Variants in OOEP observed in about 807,000 individuals in gnomAD.
OOEP encodes the protein oocyte-expressed protein homolog.
In OOEP, 16 loss-of-function variants were observed where a neutral mutation model predicts 13.7. The ratio of observed to expected loss-of-function variants is 1.16; its 90% CI spans 0.79 to 1.77. The LOEUF (loss-of-function observed/expected upper bound fraction) is 1.77. Ranked by LOEUF, OOEP falls within the 40% of genes most tolerant of loss-of-function variation. The pLI, the probability that OOEP is intolerant of heterozygous loss-of-function variation, is 0.00. For missense variants in OOEP, 195 were observed against 193.1 expected (o/e 1.01, Z -0.06); for synonymous variants, 89 against 77.1 (o/e 1.15, Z -0.81).
chr6:73,390,798 C>T (rs949686634), intron 2 of OOEP, among the ~76,000 whole-genome samples: 3 of 149,742 alleles, frequency 2.0e-5, no homozygotes, highest in Non-Finnish European at 4.4e-5. Context: ...AGGGGGGTAT[C>T]GCCATGTTGG....
rs192404880 is a variant in OOEP, at chr6:73,369,568, G to A, written c.190+35C>T. ...CTGCCAAGCCTCTCTCAGACTGGAG[G>A]TGGACAGCCCACTAGCACACCTGGG... On this transcript the variant is annotated intron_variant, in intron 1 of 2. Coordinates refer to ENST00000370359, the MANE Select transcript of OOEP (RefSeq NM_001080507.3). 1.4e-4 allele frequency: 224 copies of A among 1,599,524 alleles called. No individual in the cohort carries two copies. In the African/African-American group the frequency reaches 2.7e-3, roughly 19 times the overall value.
chr6:73,394,744 G>A (rs1188116879), exon 1 of OOEP: 4 of 1,016,084 alleles, frequency 3.9e-6, no homozygotes, highest in Non-Finnish European at 4.2e-6. Flanking sequence ...TGAAATCAGT[G>A]CGAAGTGGGC....
intron 2 of OOEP, chr6:73,394,246 T>C: frequency 1.5e-6 from 1 of 669,798 alleles, no homozygotes; most frequent in Non-Finnish European, 2.7e-6. Context: ...CGTAAATGTA[T>C]CAAAATGCAG....
At chr6:73,375,790 CCTT>C (rs1197187965) in intron 2 of OOEP, among the ~76,000 whole-genome samples, 1 of 106,218 alleles carries the variant, frequency 9.4e-6, no homozygotes, top group Non-Finnish European at 1.8e-5. Context: ...TAATGATCTC[CCTT>C]TTTTTTTTTT....
In OOEP at chr6:73,369,812, G is replaced by A. The variant is rs775028942; in HGVS notation, c.-20C>T. On this transcript the variant is annotated 5_prime_UTR_variant, in exon 1 of 3. Coordinates refer to ENST00000370359, the MANE Select transcript of OOEP (RefSeq NM_001080507.3). ...GACCATACTGGGACCAGCAGCCGCGGAGCGCGCTCGAGGCGGCTTTCGCAA... is the reference window on the plus strand; with the variant it reads ...GACCATACTGGGACCAGCAGCCGCGAAGCGCGCTCGAGGCGGCTTTCGCAA... The A allele has an allele frequency of 1.6e-5, 25 of 1,603,220 alleles. No homozygotes were observed. The highest frequency in any genetic ancestry group is 1.9e-5 in the Non-Finnish European group (22 of 1,173,646).
intron 2 of OOEP, among the ~76,000 whole-genome samples, chr6:73,383,832 G>C (rs1488587147): frequency 6.6e-6 from 1 of 151,976 alleles, no homozygotes; most frequent in Non-Finnish European, 1.5e-5. Context: ...GGTGCAGTGG[G>C]TCACACCTGT....
rs540581106 is a variant in OOEP at position 73,369,813 on chromosome 6, A to G, written c.-21T>C. 1.2e-6 allele frequency: 2 copies of G among 1,603,406 alleles called. No homozygotes were observed. Among genetic ancestry groups the G allele is most frequent in the Admixed American group, 3.4e-5 (2 of 59,628 alleles). Reference sequence around the variant, plus strand: ...ACCATACTGGGACCAGCAGCCGCGGAGCGCGCTCGAGGCGGCTTTCGCAAG... The same window carrying G: ...ACCATACTGGGACCAGCAGCCGCGGGGCGCGCTCGAGGCGGCTTTCGCAAG... On this transcript the variant is annotated 5_prime_UTR_variant, in exon 1 of 3. Coordinates refer to ENST00000370359, the MANE Select transcript of OOEP (RefSeq NM_001080507.3).
chr6:73,369,703 C>A lies in OOEP; in HGVS notation c.90G>T (p.Pro30=). Reference sequence around the variant, plus strand: ...AGGGCCGGATGCGAATCTGTGGCGGCGGAAGTGGTAACCTACGCAGCTGCT... The same window carrying A: ...AGGGCCGGATGCGAATCTGTGGCGGAGGAAGTGGTAACCTACGCAGCTGCT... ...SLEQLRRLPL[P]PPQIRIRPWW... is the part of the protein sequence containing the mutation. The change falls in exon 1 of 3, where the codon CCG becomes CCT. Residue 30 remains proline (P), a synonymous_variant. Transcript: ENST00000370359. 2 of 1,614,010 alleles carry A rather than the reference C, an allele frequency of 1.2e-6. No individual in the cohort carries two copies. The highest frequency in any genetic ancestry group is 1.7e-6 in the Non-Finnish European group (2 of 1,179,872).
In OOEP at chr6:73,369,613, G is replaced by T. The variant is rs762305836; in HGVS notation, c.180C>A (p.Asp60Glu). The change falls in exon 1 of 3, where the codon GAC becomes GAA. Residue 60 changes from aspartate to glutamate, a missense_variant. Transcript: ENST00000370359. ...CCTGGGGTCGCTCACCAAAGAGCTCGTCTGCCAGCCATGCCTCTAGGTAGA... is the reference window on the plus strand; with the variant it reads ...CCTGGGGTCGCTCACCAAAGAGCTCTTCTGCCAGCCATGCCTCTAGGTAGA... ...LVFYLEAWLADELFGPDRAII... is the reference protein window; with the variant it reads ...LVFYLEAWLAEELFGPDRAII... The T allele has an allele frequency of 1.2e-6, 2 of 1,613,512 alleles. No individual in the cohort carries two copies. Among genetic ancestry groups the T allele is most frequent in the Non-Finnish European group, 1.7e-6 (2 of 1,179,522 alleles).
At chr6:73,385,591 C>T (rs1769261879) in intron 2 of OOEP, among the ~76,000 whole-genome samples, 1 of 150,672 alleles carries the variant, frequency 6.6e-6, no homozygotes, top group Non-Finnish European at 1.5e-5. Context: ...TAAATAAAAG[C>T]TCTCTTTTTT....
exon 1 of OOEP, chr6:73,394,862 A>G (rs1402577998): frequency 5.0e-6 from 8 of 1,603,014 alleles, no homozygotes; most frequent in East Asian, 2.2e-5. Context: ...CAGGTGGTGC[A>G]GAGCTGGACG....
At chr6:73,394,576 G>C in intron 1 of OOEP, 1 of 441,882 alleles carries the variant, frequency 2.3e-6, no homozygotes. Flanking sequence ...AGCAAATTGG[G>C]CGTTTGGAAA....
chr6:73,386,151 A>G (rs1366310062), intron 2 of OOEP, among the ~76,000 whole-genome samples: 2 of 147,904 alleles, frequency 1.4e-5, no homozygotes, highest in Non-Finnish European at 3.0e-5. Context: ...CTGGAGTGCA[A>G]TGGCGCGATG....
At chr6:73,389,807 G>A (rs1470618202) in intron 2 of OOEP, among the ~76,000 whole-genome samples, 3 of 152,060 alleles carry the variant, frequency 2.0e-5, no homozygotes, top group Non-Finnish European at 4.4e-5. Context: ...TAACAAACCT[G>A]CACGTTGTGC....
upstream of OOEP, chr6:73,373,141 C>A (rs376526442): frequency 2.5e-5 from 40 of 1,609,242 alleles, no homozygotes; most frequent in African/African-American, 4.3e-4. Flanking sequence ...TCCAATGTCT[C>A]CTTTTGGAGT....
chr6:73,388,653 T>G (rs1172558358), intron 2 of OOEP, among the ~76,000 whole-genome samples: 1 of 152,196 alleles, frequency 6.6e-6, no homozygotes, highest in Non-Finnish European at 1.5e-5. Flanking sequence ...CCACTTGGGT[T>G]CCCAAGTACT....
exon 1 of OOEP, chr6:73,395,029 G>T (rs1448743005): frequency 1.2e-6 from 2 of 1,614,274 alleles, no homozygotes; most frequent in Non-Finnish European, 1.7e-6. Context: ...AGGTCCTGAG[G>T]GATATAGTGT....
rs368582382 is a variant in OOEP at position 73,369,744 on chromosome 6, G to C, written c.49C>G (p.Pro17Ala). 6.2e-7 allele frequency: 1 copy of C among 1,614,020 alleles called. No homozygotes were observed. Among genetic ancestry groups the C allele is most frequent in the East Asian group, 2.2e-5 (1 of 44,878 alleles). The change falls in exon 1 of 3, where the codon CCG becomes GCG. Residue 17 changes from proline (P) to alanine (A), a missense_variant. Transcript: ENST00000370359. ...AAESQRGKQT[P>A]AHSLEQLRRL... ...CGCAGCTGCTCCAGGGAGTGGGCCG[G>C]AGTCTGTTTGCCCCGCTGGGACTCA... is the stretch of plus-strand genomic sequence containing the variant.
At chr6:73,382,458 C>T (rs1206633405) in intron 2 of OOEP, among the ~76,000 whole-genome samples, 1 of 151,778 alleles carries the variant, frequency 6.6e-6, no homozygotes, top group African/African-American at 2.4e-5. Context: ...CCTCGTGATC[C>T]ACCTGCCTCA....
Sources: allele counts gnomAD v4.1 joint callset (sites outside exome capture counted in the v4.1 genomes callset), GRCh38; gene constraint gnomAD v4.1.1; transcripts MANE v1.5; gene names NCBI Gene and HGNC (gene_info 2026-07-23, HGNC 2026-07-21).